The following ENPP2 variants were observed in gnomAD, a reference collection of about 807,000 sequenced individuals.
ENPP2 encodes autotaxin.
A neutral mutation model predicts 120.2 loss-of-function variants in ENPP2; 51 were observed. The observed-to-expected ratio is 0.42, with a 90% CI of 0.34 to 0.54. The LOEUF is 0.54. Among genes scored for constraint, ENPP2 ranks in the 20% least tolerant of loss-of-function variants. The probability of loss-of-function intolerance (pLI) is 0.04; values close to 1 mark genes in which losing one functional copy is unlikely to be tolerated. For missense variants in ENPP2, 920 were observed against 1,066.5 expected, an observed-to-expected ratio of 0.86 and a Z score of 1.91; for synonymous variants, 365 against 366.4, an observed-to-expected ratio of 1.00 and a Z score of 0.04.
chr8:119,598,047 A>G (rs1814027561), intron 11 of ENPP2, among the ~76,000 whole-genome samples: 1 of 152,228 alleles, frequency 6.6e-6, no homozygotes, highest in African/African-American at 2.4e-5. Context: ...TTCATGTATA[A>G]TAAGTGTAAA....
At chr8:119,589,791 T>C (rs1813373032) in intron 13 of ENPP2, among the ~76,000 whole-genome samples, 1 of 152,186 alleles carries the variant, frequency 6.6e-6, no homozygotes, top group African/African-American at 2.4e-5. Flanking sequence ...AATTTTTTTT[T>C]CAAAGTGCGG....
intron 8 of ENPP2, among the ~76,000 whole-genome samples, chr8:119,610,602 A>G (rs1457797708): frequency 6.6e-6 from 1 of 151,792 alleles, no homozygotes; most frequent in Non-Finnish European, 1.5e-5. Flanking sequence ...TTCAGAGGGT[A>G]GTTTAAAAAA....
At chr8:119,654,653 A>G (rs1817719368) in intron 1 of ENPP2, among the ~76,000 whole-genome samples, 1 of 151,898 alleles carries the variant, frequency 6.6e-6, no homozygotes, top group Non-Finnish European at 1.5e-5. Context: ...GCTCCCATGC[A>G]TGCTTTTTCT....
At chr8:119,562,675 AAG>A (rs1814061258) in intron 24 of ENPP2, among the ~76,000 whole-genome samples, 180 bp downstream of exon 24, 1 of 152,130 alleles carries the variant, frequency 6.6e-6, no homozygotes, top group Non-Finnish European at 1.5e-5. Context: ...TTGAAAAATA[AAG>A]AGTCATTAGA....
chr8:119,584,529 G>A (rs904154466), intron 15 of ENPP2, among the ~76,000 whole-genome samples: 2 of 152,160 alleles, frequency 1.3e-5, no homozygotes, highest in Admixed American at 6.5e-5. Context: ...AATTTGCGAT[G>A]TTTAAACAAT....
chr8:119,572,151 C>T lies in ENPP2; in HGVS notation c.1781-1310G>A. On this transcript the variant is annotated intron_variant, in intron 19 of 24. Transcript: ENST00000075322. ...CTTAGGGGCAGTAAAACAACCCAGA[C>T]TTTCCTTCAAAACTCAAACCAAACC... 5 of 1,477,344 alleles carry T rather than the reference C, an allele frequency of 3.4e-6. No individual in the cohort carries two copies. The South Asian group carries it at 3.6e-5, about 11-fold the overall frequency. The allele number at this position is 1,477,344 out of a possible 1,614,324, so 91.5% of individuals were successfully genotyped here. A position where few individuals can be genotyped will look rare whatever the true frequency, so the allele number is the denominator to read the frequency against.
chr8:119,613,645 A>T (rs1277639531), intron 8 of ENPP2, among the ~76,000 whole-genome samples: 1 of 152,170 alleles, frequency 6.6e-6, no homozygotes, highest in African/African-American at 2.4e-5. Context: ...AGGATGGTAT[A>T]AATGCTTGTA....
intron 23 of ENPP2, among the ~76,000 whole-genome samples, chr8:119,563,474 T>C (rs1814138070): frequency 6.6e-6 from 1 of 152,040 alleles, no homozygotes; most frequent in Non-Finnish European, 1.5e-5. Flanking sequence ...TTTCCTAGAG[T>C]TGTATAAAAT....
upstream of ENPP2, among the ~76,000 whole-genome samples, chr8:119,643,222 G>A (rs1264612968): frequency 3.9e-5 from 6 of 152,132 alleles, no homozygotes; most frequent in Non-Finnish European, 8.8e-5. Context: ...ATAAAAACTG[G>A]ACAACAGTCT....
At chr8:119,574,264 G>A (rs913603504) in intron 19 of ENPP2, among the ~76,000 whole-genome samples, 8 of 151,880 alleles carry the variant, frequency 5.3e-5, no homozygotes, top group Non-Finnish European at 1.0e-4. Flanking sequence ...CTCTACTCAG[G>A]CCACAAAATG....
chr8:119,620,423 G>A (rs1815806720), intron 4 of ENPP2, among the ~76,000 whole-genome samples: 1 of 152,058 alleles, frequency 6.6e-6, no homozygotes, highest in African/African-American at 2.4e-5. Context: ...TTTGGGTATG[G>A]GGAAATTCTT....
upstream of ENPP2, among the ~76,000 whole-genome samples, chr8:119,642,183 TG>T (rs1036130654): frequency 6.6e-6 from 1 of 152,198 alleles, no homozygotes; most frequent in Non-Finnish European, 1.5e-5. Context: ...AACGACTTTT[TG>T]GTATACTCTT....
intron 2 of ENPP2, among the ~76,000 whole-genome samples, 167 bp from the exon 3 acceptor site, chr8:119,626,887 G>T (rs1046319572): frequency 3.9e-5 from 6 of 152,158 alleles, no homozygotes; most frequent in Non-Finnish European, 8.8e-5. Flanking sequence ...CAACTTCCTT[G>T]TTCTACGATT....
At position 119,666,999 on chromosome 8, in the gene ENPP2, G is replaced by A. The variant is rs181814626; in HGVS notation, c.21+6253C>T. On this transcript the variant is annotated intron_variant, in intron 1 of 25. Coordinates refer to the ENPP2 transcript ENST00000427067. ...TCATGGGAGTTCTAAAAGAATGTCA[G>A]GGGTCGAGGTAGGAAAATCAAGTCG... 3.8e-3 allele frequency among the ~76,000 whole-genome samples: 572 copies of A among 152,172 alleles called. 6 individuals are homozygous for A. The highest frequency in any genetic ancestry group is 0.013 in the African/African-American group (545 of 41,544).
upstream of ENPP2, among the ~76,000 whole-genome samples, chr8:119,641,317 GA>G (rs35551866): frequency 0.016 from 2,205 of 139,178 alleles, 55 homozygotes; most frequent in African/African-American, 0.055. Context: ...ACCTAAAGCT[GA>G]AAAAAAAAAA....
intron 12 of ENPP2, chr8:119,592,969 C>T (rs935881979): frequency 9.2e-6 from 9 of 982,818 alleles, no homozygotes; most frequent in Non-Finnish European, 4.8e-6. Context: ...TTTCATCCTC[C>T]GAACTCCACT....
chr8:119,564,721 A>T, intron 23 of ENPP2, 102 bp downstream of exon 23: 1 of 800,014 alleles, frequency 1.2e-6, no homozygotes. Flanking sequence ...CAAAAAACTT[A>T]AGGGGTGTCA....
chr8:119,643,034 A>G (rs1431602801), upstream of ENPP2, among the ~76,000 whole-genome samples: 1 of 152,200 alleles, frequency 6.6e-6, no homozygotes, highest in East Asian at 1.9e-4. Context: ...TCCTAAGATT[A>G]TGTATGATGT....
At chr8:119,659,752 G>A (rs1817869502) in intron 1 of ENPP2, among the ~76,000 whole-genome samples, 1 of 152,140 alleles carries the variant, frequency 6.6e-6, no homozygotes, top group Admixed American at 6.6e-5. Flanking sequence ...AAAACTGATT[G>A]CTTTTCTTTC....
Sources: gnomAD v4.1 joint callset for allele counts (sites outside exome capture counted in the v4.1 genomes callset) on GRCh38, gnomAD v4.1.1 for gene constraint, MANE v1.5 for transcripts, NCBI Gene and HGNC (gene_info 2026-07-23, HGNC 2026-07-21) for gene names.